Variants in PLCL1 observed in about 807,000 individuals in gnomAD.
The protein encoded by PLCL1 is phospholipase C like 1 (inactive).
In PLCL1, 41 loss-of-function variants were observed where a neutral mutation model predicts 84.4. The ratio of observed to expected loss-of-function variants is 0.49; its 90% CI spans 0.38 to 0.63. The LOEUF is 0.63. Among genes scored for constraint, PLCL1 ranks in the 30% least tolerant of loss-of-function variants. The pLI, the probability that PLCL1 is intolerant of heterozygous loss-of-function variation, is 0.00. For missense variants in PLCL1, 1,206 were observed against 1,367.8 expected (o/e 0.88, Z 1.87); for synonymous variants, 490 against 488.3 (o/e 1.00, Z -0.05).
intron 1 of PLCL1, among the ~76,000 whole-genome samples, chr2:198,078,966 A>G (rs1367950806): frequency 2.0e-5 from 3 of 152,068 alleles, no homozygotes; most frequent in Non-Finnish European, 4.4e-5. Flanking sequence ...GTGTATAAGC[A>G]TTAGGTAGAT....
chr2:197,901,924 C>A (rs1688275682), intron 1 of PLCL1, among the ~76,000 whole-genome samples: 1 of 152,082 alleles, frequency 6.6e-6, no homozygotes, highest in Non-Finnish European at 1.5e-5. Context: ...TCCCTAAAGA[C>A]CTATATACCA....
chr2:197,815,375 G>C (rs1690666407), intron 1 of PLCL1, among the ~76,000 whole-genome samples: 1 of 152,070 alleles, frequency 6.6e-6, no homozygotes, highest in Admixed American at 6.6e-5. Flanking sequence ...GAAACCTACT[G>C]CTCAGAAAAA....
intron 1 of PLCL1, among the ~76,000 whole-genome samples, chr2:197,814,225 T>A (rs1469969408): frequency 6.6e-6 from 1 of 152,172 alleles, no homozygotes; most frequent in Admixed American, 6.5e-5. Context: ...AGTCTACTGG[T>A]GGCATTTCGT....
In PLCL1 at chr2:198,024,775, A is replaced by AAAAG. The variant is rs1336035921; in HGVS notation, c.241-58983_241-58982insAAAG. 1.2e-4 allele frequency among the ~76,000 whole-genome samples: 18 copies of AAAAG among 152,036 alleles called. No individual in the cohort carries two copies. The East Asian group carries it at 2.7e-3, about 23-fold the overall frequency. ...CGAAATCTATCTCAAAAAAAAAAAA[A>AAAAG]CAATTACTACGAGTGGTACCTTTTT... On this transcript the variant is annotated intron_variant, in intron 1 of 5. Coordinates refer to ENST00000428675, the MANE Select transcript of PLCL1 (RefSeq NM_006226.4).
chr2:197,856,483 A>G (rs1192061568), intron 1 of PLCL1, among the ~76,000 whole-genome samples: 1 of 152,192 alleles, frequency 6.6e-6, no homozygotes, highest in African/African-American at 2.4e-5. Flanking sequence ...AATGAACTTG[A>G]AAAAAATCAG....
intron 3 of PLCL1, among the ~76,000 whole-genome samples, chr2:198,091,110 G>A (rs1352315091): frequency 6.6e-6 from 1 of 152,172 alleles, no homozygotes; most frequent in Admixed American, 6.5e-5. Flanking sequence ...CATTTTGGGA[G>A]GGAATTGAGT....
intron 1 of PLCL1, among the ~76,000 whole-genome samples, chr2:197,945,575 T>A (rs538137952): frequency 2.0e-5 from 3 of 152,318 alleles, no homozygotes; most frequent in African/African-American, 7.2e-5. Context: ...CATGGGATGC[T>A]CTTGAGTGCC....
intron 1 of PLCL1, among the ~76,000 whole-genome samples, chr2:197,989,858 T>G (rs768243689): frequency 6.6e-6 from 1 of 152,168 alleles, no homozygotes; most frequent in Non-Finnish European, 1.5e-5. Flanking sequence ...AAATAACCCC[T>G]CAGACTTGCA....
At chr2:198,006,160 A>G (rs1690724918) in intron 1 of PLCL1, among the ~76,000 whole-genome samples, 1 of 152,236 alleles carries the variant, frequency 6.6e-6, no homozygotes, top group Non-Finnish European at 1.5e-5. Context: ...AGACAGGGTG[A>G]GAAGTCTGTT....
chr2:197,927,286 G>A (rs550323426), intron 1 of PLCL1, among the ~76,000 whole-genome samples: 1 of 152,266 alleles, frequency 6.6e-6, no homozygotes, highest in East Asian at 1.9e-4. Flanking sequence ...GAACTGAAAG[G>A]GGAATGGCAT....
At chr2:198,030,581 A>C (rs1691386801) in intron 1 of PLCL1, among the ~76,000 whole-genome samples, 1 of 152,150 alleles carries the variant, frequency 6.6e-6, no homozygotes, top group African/African-American at 2.4e-5. Flanking sequence ...GTATGATGAT[A>C]ATCATAGTAG....
In PLCL1 at chr2:197,807,556, A is replaced by C. The variant is rs143570211; in HGVS notation, c.240+2217A>C. ...AAGAACCTTTCTGGTGACATTCTTG[A>C]ATCTGCTGCCCTGTGGTTTGTTCCC... On this transcript the variant is annotated intron_variant, in intron 1 of 5. Transcript: ENST00000428675. Among the ~76,000 whole-genome samples the C allele has an allele frequency of 1.7e-3, 257 of 152,318 alleles. 1 individual carries two copies. The highest frequency in any genetic ancestry group is 0.01 in the Middle Eastern group (3 of 294).
intron 1 of PLCL1, among the ~76,000 whole-genome samples, chr2:197,998,923 A>G (rs1345786036): frequency 6.6e-6 from 1 of 152,210 alleles, no homozygotes; most frequent in East Asian, 1.9e-4. Context: ...CTGGCAGCAG[A>G]AGAAAATCAC....
intron 1 of PLCL1, among the ~76,000 whole-genome samples, chr2:197,910,679 G>T (rs970828833): frequency 1.3e-5 from 2 of 152,034 alleles, no homozygotes; most frequent in African/African-American, 2.4e-5. Flanking sequence ...CCGGCAACCC[G>T]AAAATATCCC....
At chr2:197,990,898 T>A (rs1403158521) in intron 1 of PLCL1, among the ~76,000 whole-genome samples, 1 of 152,184 alleles carries the variant, frequency 6.6e-6, no homozygotes, top group Non-Finnish European at 1.5e-5. Flanking sequence ...TAATATATAA[T>A]TTTATAGGAT....
intron 1 of PLCL1, among the ~76,000 whole-genome samples, chr2:197,932,965 C>T (rs1364346865): frequency 6.6e-6 from 1 of 152,152 alleles, no homozygotes; most frequent in African/African-American, 2.4e-5. Context: ...TCAACAAAAA[C>T]AATAAGTTAG....
chr2:198,009,308 C>G (rs1209679296), intron 1 of PLCL1, among the ~76,000 whole-genome samples: 2 of 151,882 alleles, frequency 1.3e-5, no homozygotes, highest in African/African-American at 4.8e-5. Context: ...AGGAGTTTAA[C>G]AGTTTTAAGT....
chr2:197,992,325 A>G (rs1316918409), intron 1 of PLCL1, among the ~76,000 whole-genome samples: 1 of 151,996 alleles, frequency 6.6e-6, no homozygotes, highest in Non-Finnish European at 1.5e-5. Flanking sequence ...AGTGCAGTGG[A>G]GTAATCATGG....
intron 1 of PLCL1, among the ~76,000 whole-genome samples, chr2:197,839,413 A>G (rs561885656): frequency 3.3e-5 from 5 of 152,252 alleles, no homozygotes; most frequent in Non-Finnish European, 7.4e-5. Context: ...GGCGTTAGTT[A>G]TTTTCTCATA....
Sources: gnomAD v4.1 joint callset for allele counts (sites outside exome capture counted in the v4.1 genomes callset) on GRCh38, gnomAD v4.1.1 for gene constraint, MANE v1.5 for transcripts, NCBI Gene and HGNC (gene_info 2026-07-23, HGNC 2026-07-21) for gene names.